CHUK: variants seen among roughly 807,000 people sequenced by gnomAD.
The protein encoded by CHUK is inhibitor of nuclear factor kappa-B kinase subunit alpha.
CHUK carries 35 observed loss-of-function variants against 104.8 expected under a neutral mutation model. The observed-to-expected ratio is 0.33, with a 90% confidence interval of 0.26 to 0.44. The LOEUF (loss-of-function observed/expected upper bound fraction) is 0.44. CHUK is among the 20% of genes least tolerant of loss of function. The pLI is 1.00. For missense variants in CHUK, 663 were observed against 902.7 expected (o/e 0.73, Z 3.40); for synonymous variants, 276 against 291.9 (o/e 0.95, Z 0.56).
In CHUK at chr10:100,222,856, T is replaced by C. The variant is rs1002825075; in HGVS notation, c.315+10A>G. 2.3e-6 allele frequency: 3 copies of C among 1,295,388 alleles called. No homozygotes were observed. In the South Asian group the frequency reaches 3.5e-5, roughly 15 times the overall value. The allele number at this position is 1,295,388 out of a possible 1,614,324, so 80.2% of individuals were successfully genotyped here. A position where few individuals can be genotyped will look rare whatever the true frequency, so the allele number is the denominator to read the frequency against. On this transcript the variant is annotated intron_variant, in intron 3 of 20. Coordinates refer to ENST00000370397, the MANE Select transcript of CHUK (RefSeq NM_001278.5). ...ATTTACTCTCTCTCATCTCAAAACA[T>C]CCACACTACCTTTCGGAGATCTCCT...
chr10:100,226,920 A>G (rs1399016279), intron 1 of CHUK, among the ~76,000 whole-genome samples: 1 of 152,190 alleles, frequency 6.6e-6, no homozygotes, highest in African/African-American at 2.4e-5. Context: ...AAAAGAAGCT[A>G]GAGATAAGAT....
chr10:100,187,302 G>C (rs1845060900), downstream of CHUK: 1 of 152,318 alleles, frequency 6.6e-6, no homozygotes, highest in South Asian at 2.1e-4. Context: ...AGTAGTGGAA[G>C]TAAGAAGAGG....
chr10:100,212,707 A>G (rs1845757401), intron 9 of CHUK, among the ~76,000 whole-genome samples: 2 of 152,152 alleles, frequency 1.3e-5, no homozygotes, highest in African/African-American at 2.4e-5. Flanking sequence ...GTGGTGCTAC[A>G]GAAATACTAA....
Position 100,222,861 on chromosome 10 carries a change from A to C in CHUK, c.315+5T>G, listed in dbSNP as rs777748305. ...CTCTCTCTCATCTCAAAACATCCAC[A>C]CTACCTTTCGGAGATCTCCTCCAGA... On this transcript the variant is annotated splice_donor_5th_base_variant and intron_variant, in intron 3 of 20. Coordinates refer to ENST00000370397, the MANE Select transcript of CHUK (RefSeq NM_001278.5). The C allele has an allele frequency of 6.5e-6, 9 of 1,375,828 alleles. No individual in the cohort carries two copies. Among genetic ancestry groups the C allele is most frequent in the Non-Finnish European group, 8.3e-6 (8 of 962,954 alleles). The allele number at this position is 1,375,828 out of a possible 1,614,324, so 85.2% of individuals were successfully genotyped here.
chr10:100,218,602 T>C lies in CHUK; in HGVS notation c.797+116A>G. On this transcript the variant is annotated intron_variant, in intron 8 of 20. Coordinates refer to ENST00000370397, the MANE Select transcript of CHUK (RefSeq NM_001278.5). ...GGCCAACAGAAATATAGAAGGTTTC[T>C]ACATCATCACAGAAAGTTCTACTGG... 3 of 756,034 alleles carry C rather than the reference T, an allele frequency of 4.0e-6. No homozygotes were observed. In the South Asian group the frequency reaches 4.4e-5, roughly 11 times the overall value. 46.8% of individuals were successfully genotyped at this position (756,034 alleles called of 1,614,324 possible). A position where few individuals can be genotyped will look rare whatever the true frequency, so the allele number is the denominator to read the frequency against.
At chr10:100,199,918 G>C (rs902261500) in intron 16 of CHUK, 53 bp downstream of exon 16, 4 of 1,229,862 alleles carry the variant, frequency 3.3e-6, no homozygotes, top group Non-Finnish European at 4.8e-6. Context: ...CATTTGTTAG[G>C]CTAGTGATAG....
chr10:100,203,503 C>G (rs557410601), intron 13 of CHUK, among the ~76,000 whole-genome samples: 10 of 151,564 alleles, frequency 6.6e-5, no homozygotes, highest in African/African-American at 2.4e-4. Context: ...ATTCATTCAC[C>G]CAACTGGACA....
chr10:100,189,476 CT>C lies in CHUK; in HGVS notation c.*121del, dbSNP rs1015663331. 5.1e-6 allele frequency: 4 copies of C among 789,362 alleles called. No individual in the cohort carries two copies. The highest frequency in any genetic ancestry group is 3.4e-5 in the African/African-American group (2 of 58,744). The allele number at this position is 789,362 out of a possible 1,614,324, so 48.9% of individuals were successfully genotyped here. A position where few individuals can be genotyped will look rare whatever the true frequency, so the allele number is the denominator to read the frequency against. ...TCTGATCATAGTAGAAATGTAGTTT[CT>C]GTTCATAGCCATTTCTTCCATTGAC... is the stretch of plus-strand genomic sequence containing the variant. On this transcript the variant is annotated 3_prime_UTR_variant, in exon 21 of 21. Coordinates refer to ENST00000370397, the MANE Select transcript of CHUK (RefSeq NM_001278.5).
intron 1 of CHUK, 149 bp downstream of exon 1, chr10:100,229,279 C>A: frequency 1.4e-6 from 1 of 693,338 alleles, no homozygotes; most frequent in South Asian, 1.6e-5. Context: ...ATCTTTCTCT[C>A]TAATACACAC....
intron 15 of CHUK, among the ~76,000 whole-genome samples, chr10:100,200,359 T>G (rs1323475229): frequency 7.9e-5 from 12 of 152,160 alleles, no homozygotes; most frequent in Non-Finnish European, 1.5e-4. Flanking sequence ...TTTAGGGCAT[T>G]TAAGAGTCAA....
rs1845404657 is a variant in CHUK at position 100,199,130 on chromosome 10, T to C, written c.1729+841A>G. Among the ~76,000 whole-genome samples the C allele has an allele frequency of 2.0e-5, 3 of 152,168 alleles. No individual in the cohort carries two copies. The South Asian group carries it at 6.2e-4, about 31-fold the overall frequency. On this transcript the variant is annotated intron_variant, in intron 16 of 20. Coordinates refer to ENST00000370397, the MANE Select transcript of CHUK (RefSeq NM_001278.5). Reference sequence around the variant, plus strand: ...GCCTCTGATTCCCCATCCAGTACTCTTTCCAGCAGACCTTGCTCAGTATTT... The same window carrying C: ...GCCTCTGATTCCCCATCCAGTACTCCTTCCAGCAGACCTTGCTCAGTATTT...
rs1845902455 is a variant in CHUK, at chr10:100,218,143, C to CTACTATT, written c.798-14_798-13insAATAGTA. On this transcript the variant is annotated splice_polypyrimidine_tract_variant and intron_variant, in intron 8 of 20. Coordinates refer to ENST00000370397, the MANE Select transcript of CHUK (RefSeq NM_001278.5). ...TTCTACTACTAAACTAGAAAACATA[C>CTACTATT]AAAATAGGGTGAAAATCAAATCATT... 1.2e-6 allele frequency: 2 copies of CTACTATT among 1,603,246 alleles called. No homozygotes were observed. Among genetic ancestry groups the CTACTATT allele is most frequent in the African/African-American group, 1.3e-5 (1 of 74,542 alleles).
At chr10:100,187,572 G>A (rs1351557030), downstream of CHUK, 2 of 152,108 alleles carry the variant, frequency 1.3e-5, no homozygotes, top group African/African-American at 4.8e-5. Context: ...ATTGCTTAAA[G>A]AATGAAATGT....
At chr10:100,217,600 C>T (rs548328672) in intron 9 of CHUK, among the ~76,000 whole-genome samples, 1 of 152,190 alleles carries the variant, frequency 6.6e-6, no homozygotes, top group Non-Finnish European at 1.5e-5. Context: ...AGCATCAGGG[C>T]TGGACGCAAT....
chr10:100,189,784 G>GT (rs998270176), intron 20 of CHUK, among the ~76,000 whole-genome samples, 157 bp from the exon 21 acceptor site: 1 of 148,830 alleles, frequency 6.7e-6, no homozygotes, highest in African/African-American at 2.5e-5. Context: ...AAATTTCAGA[G>GT]TTTTTTTCAT....
At chr10:100,192,946 G>A (rs1845237371) in intron 19 of CHUK, 2 of 280,924 alleles carry the variant, frequency 7.1e-6, no homozygotes, top group South Asian at 4.3e-5. Flanking sequence ...TAAGGTTTGA[G>A]TAAAAGAAAG....
Position 100,220,641 on chromosome 10 carries a change from T to C in CHUK, c.421A>G (p.Ile141Val). 4 of 1,612,716 alleles carry C rather than the reference T, an allele frequency of 2.5e-6. No homozygotes were observed. Among genetic ancestry groups the C allele is most frequent in the Non-Finnish European group, 3.4e-6 (4 of 1,178,868 alleles). The stretch of plus-strand genomic sequence containing the variant: ...TTTTCAGGTTTTAGATCTCGATGTA[T>C]AATTTTGTTTTCATGCAAATATCGA... ...GIRYLHENKI[I>V]HRDLKPENIV... Residue 141 changes from isoleucine to valine, a missense_variant, in exon 5 of 21, where the codon ATA becomes GTA. Physicochemically the swap from Ile to Val is conservative, Grantham distance 29. Transcript: ENST00000370397.
chr10:100,200,730 T>G lies in CHUK; in HGVS notation c.1620A>C (p.Glu540Asp). 1 of 1,609,578 alleles carries G rather than the reference T, an allele frequency of 6.2e-7. No homozygotes were observed. The highest frequency in any genetic ancestry group is 8.5e-7 in the Non-Finnish European group (1 of 1,176,302). ...AGGGGCTCTTCTGTAGCTCCATGAT[T>G]TCAGCATGCAAAGACATAATCTGAT... Reference protein sequence around the residue: ...LEDQIMSLHAEIMELQKSPYG... With the variant: ...LEDQIMSLHADIMELQKSPYG... Residue 540 changes from glutamate (E) to aspartate (D), a missense_variant, in exon 15 of 21, where the codon GAA becomes GAC. Transcript: ENST00000370397.
rs139255524 is a variant in CHUK, at chr10:100,191,315, C to G, written c.2109-347G>C. ...CCTTGTGGCAAAGACAGATGAAATA[C>G]GTTTTTGTTTCTAAATACTTCTCTT... On this transcript the variant is annotated intron_variant, in intron 19 of 20. Coordinates refer to ENST00000370397, the MANE Select transcript of CHUK (RefSeq NM_001278.5). 4.7e-4 allele frequency among the ~76,000 whole-genome samples: 72 copies of G among 152,280 alleles called. 1 individual carries two copies. In the East Asian group the frequency reaches 0.014, roughly 29 times the overall value.
Sources: gnomAD v4.1 joint callset for allele counts (sites outside exome capture counted in the v4.1 genomes callset) on GRCh38, gnomAD v4.1.1 for gene constraint, MANE v1.5 for transcripts, NCBI Gene and HGNC (gene_info 2026-07-23, HGNC 2026-07-21) for gene names.